GTF3C5: variants seen among roughly 807,000 people sequenced by gnomAD.
The protein encoded by GTF3C5 is general transcription factor 3C polypeptide 5.
GTF3C5 carries 47 observed loss-of-function variants against 61.0 expected under a neutral mutation model. The ratio of observed to expected loss-of-function variants is 0.77; its 90% CI spans 0.61 to 0.98. The LOEUF (loss-of-function observed/expected upper bound fraction) is 0.98, where lower values mean the gene tolerates loss of function less well. Among genes scored for constraint, GTF3C5 ranks in the 50% least tolerant of loss-of-function variants. The probability of loss-of-function intolerance (pLI) is 0.00; values close to 1 mark genes in which losing one functional copy is unlikely to be tolerated. For missense variants in GTF3C5, 659 were observed against 703.3 expected, an observed-to-expected ratio of 0.94 and a Z score of 0.71; for synonymous variants, 295 against 275.4, an observed-to-expected ratio of 1.07 and a Z score of -0.71.
At chr9:133,055,044 G>A in intron 8 of GTF3C5, 1 of 1,551,628 alleles carries the variant, frequency 6.4e-7, no homozygotes, top group Non-Finnish European at 8.7e-7. Context: ...TCTCAGGGAA[G>A]TCTGGCACCA....
At chr9:133,055,513 G>A in intron 8 of GTF3C5, 1 of 1,197,676 alleles carries the variant, frequency 8.3e-7, no homozygotes, top group Non-Finnish European at 1.1e-6. Flanking sequence ...CCTTCTCGAG[G>A]CCTCTCCTAG....
rs527322035 is a variant in GTF3C5, at chr9:133,047,115, G to T, written c.572+3189G>T. Among the ~76,000 whole-genome samples, 129 of 152,216 alleles carry T rather than the reference G, an allele frequency of 8.5e-4. No homozygotes were observed. The South Asian group carries it at 8.5e-3, about 10-fold the overall frequency. The stretch of plus-strand genomic sequence containing the variant: ...TGCTGCCTTCAGAAACAAGCAGTGC[G>T]GATCTCTGACAGGGAAGACTCATGT... On this transcript the variant is annotated intron_variant, in intron 3 of 10. Transcript: ENST00000372097.
At chr9:133,047,961 C>CA (rs1044555500) in intron 3 of GTF3C5, among the ~76,000 whole-genome samples, 1 of 152,168 alleles carries the variant, frequency 6.6e-6, no homozygotes, top group Non-Finnish European at 1.5e-5. Context: ...CCTGTGTCTA[C>CA]AAAAATTTTT....
rs75809226 is a variant in GTF3C5 at position 133,042,209 on chromosome 9, G to A, written c.276G>A (p.Thr92=). ...SSLLLRIRKR[T]RRQKGVLGTE... is the part of the protein sequence containing the mutation. ...TGCTGCTCCGCATCAGGAAGAGAAC[G>A]AGGCGGCAGAAAGGGGTGCTGGGCA... is the stretch of plus-strand genomic sequence containing the variant. Residue 92 remains threonine, a synonymous_variant, in exon 2 of 11, where the codon ACG becomes ACA. Coordinates refer to ENST00000372097, the MANE Select transcript of GTF3C5 (RefSeq NM_012087.4). The A allele has an allele frequency of 9.3e-4, 1,506 of 1,614,070 alleles. 9 individuals carry two copies. The African/African-American group carries it at 0.018, about 19-fold the overall frequency.
At chr9:133,037,139 G>A (rs931292339) in intron 1 of GTF3C5, among the ~76,000 whole-genome samples, 4 of 152,120 alleles carry the variant, frequency 2.6e-5, no homozygotes, top group East Asian at 1.9e-4. Flanking sequence ...GCTTCCGTCC[G>A]GAATGGGGAT....
intron 5 of GTF3C5, among the ~76,000 whole-genome samples, chr9:133,052,869 G>C (rs766566340): frequency 1.3e-5 from 2 of 148,496 alleles, no homozygotes; most frequent in Non-Finnish European, 2.9e-5. Context: ...GTCTCACTCT[G>C]TCTCCCAGGC....
chr9:133,033,684 C>A (rs1849791029), intron 1 of GTF3C5, among the ~76,000 whole-genome samples: 1 of 152,118 alleles, frequency 6.6e-6, no homozygotes, highest in African/African-American at 2.4e-5. Flanking sequence ...CAGCCCATGC[C>A]CACTCGTCTG....
chr9:133,043,952 G>A (rs761808214), intron 3 of GTF3C5, 26 bp downstream of exon 3: 21 of 1,563,772 alleles, frequency 1.3e-5, no homozygotes, highest in Admixed American at 1.7e-5. Context: ...ATGCAGCCTC[G>A]GTTCTCTATC....
rs528670140 is a variant in GTF3C5, at chr9:133,053,148, C to G, written c.874-680C>G. ...AGCCACTGCGGCTGGCTGGCATTGG[C>G]TTTTTAGACATAAGCCATTCAAAAG... is the stretch of plus-strand genomic sequence containing the variant. On this transcript the variant is annotated intron_variant, in intron 5 of 10. Transcript: ENST00000372097. 2.6e-5 allele frequency among the ~76,000 whole-genome samples: 4 copies of G among 152,116 alleles called. No homozygotes were observed. The East Asian group carries it at 7.7e-4, about 29-fold the overall frequency.
rs1355937396 is a variant in GTF3C5, at chr9:133,055,328, C to T, written c.1167+519C>T. 11 of 1,359,570 alleles carry T rather than the reference C, an allele frequency of 8.1e-6. No homozygotes were observed. The African/African-American group carries it at 8.7e-5, about 11-fold the overall frequency. The allele number at this position is 1,359,570 out of a possible 1,614,324, so 84.2% of individuals were successfully genotyped here. On this transcript the variant is annotated intron_variant, in intron 8 of 10. Coordinates refer to ENST00000372097, the MANE Select transcript of GTF3C5 (RefSeq NM_012087.4). ...GGGGGAGGCCGAGAAGGGGGCATCCCGCACGGTGGAATCACCTGCTGAGGG... is the reference window on the plus strand; with the variant it reads ...GGGGGAGGCCGAGAAGGGGGCATCCTGCACGGTGGAATCACCTGCTGAGGG...
At chr9:133,044,952 A>G (rs1850157894) in intron 3 of GTF3C5, among the ~76,000 whole-genome samples, 1 of 147,864 alleles carries the variant, frequency 6.8e-6, no homozygotes, top group East Asian at 2.0e-4. Flanking sequence ...GCCCACATGC[A>G]ATTCAGATGA....
chr9:133,038,255 CTG>C (rs1160695915), intron 1 of GTF3C5, among the ~76,000 whole-genome samples: 1 of 152,124 alleles, frequency 6.6e-6, no homozygotes, highest in Non-Finnish European at 1.5e-5. Context: ...ATCCGGGACA[CTG>C]AGAGAGGGAC....
Position 133,053,819 on chromosome 9 carries a change from C to G in GTF3C5, c.874-9C>G. The G allele has an allele frequency of 6.3e-7, 1 of 1,582,506 alleles. No homozygotes were observed. Among genetic ancestry groups the G allele is most frequent in the Non-Finnish European group, 8.7e-7 (1 of 1,155,092 alleles). On this transcript the variant is annotated splice_polypyrimidine_tract_variant and intron_variant, in intron 5 of 10. Transcript: ENST00000372097. ...CTCACCTCACATTTTCCCCACTTTT[C>G]TGTCCCAGATAACAGGCCCCTGGCG...
chr9:133,057,729 C>G, intron 10 of GTF3C5, 85 bp from the exon 11 acceptor site: 1 of 1,326,566 alleles, frequency 7.5e-7, no homozygotes, highest in Admixed American at 2.4e-5. Context: ...TAGTAGTAAA[C>G]AGGCTCCCCA....
chr9:133,049,522 T>C (rs977698960), intron 3 of GTF3C5, among the ~76,000 whole-genome samples: 2 of 152,178 alleles, frequency 1.3e-5, no homozygotes, highest in Non-Finnish European at 2.9e-5. Flanking sequence ...CCGAGTGAAT[T>C]TGATGATGTC....
intron 4 of GTF3C5, 144 bp from the exon 5 acceptor site, chr9:133,051,916 G>T: frequency 1.9e-6 from 1 of 519,012 alleles, no homozygotes; most frequent in Non-Finnish European, 3.4e-6. Context: ...GGAGGTCCTA[G>T]GGCCACGCCC....
At chr9:133,046,831 C>T (rs1850222061) in intron 3 of GTF3C5, among the ~76,000 whole-genome samples, 1 of 152,238 alleles carries the variant, frequency 6.6e-6, no homozygotes, top group South Asian at 2.1e-4. Flanking sequence ...CCAGGGAGAA[C>T]TTTCCAGACC....
chr9:133,038,943 T>C (rs758892236), intron 1 of GTF3C5, among the ~76,000 whole-genome samples: 1 of 152,272 alleles, frequency 6.6e-6, no homozygotes, highest in Non-Finnish European at 1.5e-5. Context: ...ACTGTTATGT[T>C]GTTAGGATTA....
intron 9 of GTF3C5, among the ~76,000 whole-genome samples, chr9:133,056,562 G>GACACA (rs1489579067): frequency 2.0e-5 from 3 of 152,192 alleles, no homozygotes; most frequent in African/African-American, 7.2e-5. Context: ...AGCTTCATGT[G>GACACA]TGTGAGGCGG....
Sources: allele counts gnomAD v4.1 joint callset (sites outside exome capture counted in the v4.1 genomes callset), GRCh38; gene constraint gnomAD v4.1.1; transcripts MANE v1.5; gene names NCBI Gene and HGNC (gene_info 2026-07-23, HGNC 2026-07-21).